LRPPRC: variants seen among roughly 807,000 people sequenced by gnomAD.
LRPPRC encodes the protein leucine rich pentatricopeptide repeat containing.
LRPPRC carries 120 observed loss-of-function variants against 180.3 expected under a neutral mutation model. The ratio of observed to expected loss-of-function variants is 0.67; its 90% confidence interval spans 0.57 to 0.77. The LOEUF is 0.77. Ranked by LOEUF, LRPPRC falls within the 30% of genes least tolerant of loss-of-function variation. LRPPRC has a pLI of 0.00. For synonymous variants in LRPPRC, 723 were observed against 600.0 expected (o/e 1.21, Z -3.00); for missense variants, 2,012 against 1,657.2 (o/e 1.21, Z -3.72).
Position 43,888,311 on chromosome 2 carries a change from C to A in LRPPRC, c.*289G>T. On this transcript the variant is annotated 3_prime_UTR_variant, in exon 38 of 38. Coordinates refer to ENST00000260665, the MANE Select transcript of LRPPRC (RefSeq NM_133259.4). The stretch of plus-strand genomic sequence containing the variant: ...TAACATTTTAATGAAATAAATGAAA[C>A]AGAGCAGGGAAACCAAAGAGCCAAT... 1 of 327,890 alleles carries A rather than the reference C, an allele frequency of 3.0e-6. No homozygotes were observed. The highest frequency in any genetic ancestry group is 5.7e-6 in the Non-Finnish European group (1 of 174,846). 20.3% of individuals were successfully genotyped at this position (327,890 alleles called of 1,614,324 possible).
chr2:43,984,636 A>T (rs1182581175), intron 1 of LRPPRC, among the ~76,000 whole-genome samples: 2 of 152,192 alleles, frequency 1.3e-5, no homozygotes, highest in Non-Finnish European at 2.9e-5. Flanking sequence ...AATTCACTCT[A>T]ATACATTCTG....
In LRPPRC at chr2:43,963,558, T is replaced by C. The variant is rs747281172; in HGVS notation, c.1488+30A>G. The C allele has an allele frequency of 1.8e-5, 23 of 1,259,156 alleles. No homozygotes were observed. The South Asian group carries it at 2.7e-4, about 15-fold the overall frequency. 78.0% of individuals were successfully genotyped at this position (1,259,156 alleles called of 1,614,324 possible). A position where few individuals can be genotyped will look rare whatever the true frequency, so the allele number is the denominator to read the frequency against. On this transcript the variant is annotated intron_variant, in intron 12 of 37. Transcript: ENST00000260665. ...TAAGGAGGAAAGATATCCTCTTCAA[T>C]TATTAAATTAAAACCACACTTGTAC...
At position 43,950,895 on chromosome 2, in the gene LRPPRC, T is replaced by C. The variant is rs4953040; in HGVS notation, c.1650-295A>G. 0.5 allele frequency among the ~76,000 whole-genome samples: 76,168 copies of C among 151,958 alleles called. 20,300 individuals are homozygous for C. The highest frequency in any genetic ancestry group is 0.96 in the East Asian group (4,947 of 5,164). ...GACCAGCCTGGCCAACATGGTGAAA[T>C]CCCGTCTCCACTAGAAGTAGAAAAA... On this transcript the variant is annotated intron_variant, in intron 14 of 37. Transcript: ENST00000260665.
intron 31 of LRPPRC, chr2:43,904,825 C>T (rs1176657752): frequency 6.6e-6 from 1 of 151,870 alleles, no homozygotes; most frequent in Non-Finnish European, 1.5e-5. Context: ...GCTTTTTCAA[C>T]CTTTCTTGAA....
chr2:43,901,492 G>C lies in LRPPRC; in HGVS notation c.3397C>G (p.Gln1133Glu). Residue 1133 changes from glutamine (Q) to glutamate (E), a missense_variant, in exon 32 of 38, where the codon CAG (glutamine) becomes GAG (glutamate). By Grantham distance (29) the Gln-to-Glu change is conservative. Transcript: ENST00000260665. The part of the protein sequence containing the change: ...AVTTLKTVLD[Q>E]QQTPSRLAVT... ...GCTAACCTAGAAGGGGTCTGCTGCT[G>C]ATCCAATACTGTTTTCAGTGTTGTC... 6.2e-7 allele frequency: 1 copy of C among 1,613,800 alleles called. No homozygotes were observed.
chr2:43,906,928 C>T (rs1454653348), intron 30 of LRPPRC, among the ~76,000 whole-genome samples: 1 of 152,110 alleles, frequency 6.6e-6, no homozygotes, highest in Non-Finnish European at 1.5e-5. Context: ...CTCCCTTTGT[C>T]CCATCTGTCA....
intron 23 of LRPPRC, among the ~76,000 whole-genome samples, chr2:43,937,844 A>C (rs1672330147): frequency 6.6e-6 from 1 of 152,180 alleles, no homozygotes; most frequent in South Asian, 2.1e-4. Context: ...CAATATCAAA[A>C]GGAGAAAGGT....
chr2:43,943,562 T>C, intron 23 of LRPPRC, 125 bp downstream of exon 23: 1 of 781,446 alleles, frequency 1.3e-6, no homozygotes, highest in Non-Finnish European at 2.2e-6. Flanking sequence ...ATTAGCCCTC[T>C]TACTCTGTGG....
At chr2:43,974,517 C>A in intron 8 of LRPPRC, 97 bp downstream of exon 8, 1 of 935,484 alleles carries the variant, frequency 1.1e-6, no homozygotes, top group Non-Finnish European at 1.7e-6. Context: ...TGTTCAACTC[C>A]CACAATGCCC....
chr2:43,968,629 G>C (rs1673662561), intron 11 of LRPPRC, among the ~76,000 whole-genome samples: 2 of 152,158 alleles, frequency 1.3e-5, no homozygotes, highest in Admixed American at 6.5e-5. Context: ...AAATAAGCTA[G>C]ACACAGAAAG....
intron 23 of LRPPRC, 148 bp from the exon 24 acceptor site, chr2:43,935,026 G>GA (rs907689340): frequency 1.7e-6 from 1 of 594,224 alleles, no homozygotes; most frequent in Non-Finnish European, 2.9e-6. Flanking sequence ...TAAAATGGGG[G>GA]AAAAAAAGAA....
At chr2:43,924,291 C>A (rs540463164) in intron 27 of LRPPRC, among the ~76,000 whole-genome samples, 1 of 152,100 alleles carries the variant, frequency 6.6e-6, no homozygotes, top group Non-Finnish European at 1.5e-5. Context: ...CTAAAAGAAA[C>A]TGTAAAGCTC....
chr2:43,962,996 G>A (rs1451415581), intron 12 of LRPPRC, among the ~76,000 whole-genome samples: 1 of 152,130 alleles, frequency 6.6e-6, no homozygotes, highest in Non-Finnish European at 1.5e-5. Flanking sequence ...GGGCATTTCA[G>A]GATGGGATTA....
At chr2:43,920,767 CTG>C (rs1671672198) in intron 27 of LRPPRC, among the ~76,000 whole-genome samples, 2 of 151,728 alleles carry the variant, frequency 1.3e-5, no homozygotes. Flanking sequence ...TCCTTGTGGA[CTG>C]TGGGAAGACA....
chr2:43,962,543 GT>G (rs1006061181), intron 12 of LRPPRC, among the ~76,000 whole-genome samples: 1 of 152,150 alleles, frequency 6.6e-6, no homozygotes, highest in Non-Finnish European at 1.5e-5. Context: ...TTTTTGTTTT[GT>G]TTTTGTAATT....
intron 17 of LRPPRC, 66 bp downstream of exon 17, chr2:43,948,346 A>G: frequency 9.4e-7 from 1 of 1,058,994 alleles, no homozygotes; most frequent in Admixed American, 1.7e-5. Context: ...TAAAAGCAGC[A>G]ATTTCAAATC....
chr2:43,889,714 C>G lies in LRPPRC; in HGVS notation c.4128+20G>C, dbSNP rs1433030725. 1 of 1,599,678 alleles carries G rather than the reference C, an allele frequency of 6.3e-7. No homozygotes were observed. The highest frequency in any genetic ancestry group is 8.6e-7 in the Non-Finnish European group (1 of 1,167,092). On this transcript the variant is annotated intron_variant, in intron 37 of 37. Coordinates refer to ENST00000260665, the MANE Select transcript of LRPPRC (RefSeq NM_133259.4). ...TAAATCTGCAGAGGTATTTTTTCCCCTTAATTAAGAAATACTCACAGGGGG... is the reference window on the plus strand; with the variant it reads ...TAAATCTGCAGAGGTATTTTTTCCCGTTAATTAAGAAATACTCACAGGGGG...
At chr2:43,902,802 T>C (rs1670936668) in intron 31 of LRPPRC, 2 of 152,176 alleles carry the variant, frequency 1.3e-5, no homozygotes, top group African/African-American at 4.8e-5. Context: ...CCAAGAATAT[T>C]GTCAGCTAGG....
Position 43,977,375 on chromosome 2 carries a change from C to T in LRPPRC, c.470-99G>A. 4 of 938,346 alleles carry T rather than the reference C, an allele frequency of 4.3e-6. No homozygotes were observed. The South Asian group carries it at 5.4e-5, about 13-fold the overall frequency. The allele number at this position is 938,346 out of a possible 1,614,324, so 58.1% of individuals were successfully genotyped here. ...ACAAACAAAAAGAGTAAAACTATCA[C>T]TTTAGCATTTCACCCATCCATCTTG... On this transcript the variant is annotated intron_variant, in intron 3 of 37. Coordinates refer to ENST00000260665, the MANE Select transcript of LRPPRC (RefSeq NM_133259.4).
Sources: allele counts gnomAD v4.1 joint callset (sites outside exome capture counted in the v4.1 genomes callset), GRCh38; gene constraint gnomAD v4.1.1; transcripts MANE v1.5; gene names NCBI Gene and HGNC (gene_info 2026-07-23, HGNC 2026-07-21).